Variants in SEMA3A observed in about 807,000 individuals in gnomAD.
SEMA3A encodes the protein semaphorin-3A.
SEMA3A carries 29 observed loss-of-function variants against 97.9 expected under a neutral mutation model. The ratio of observed to expected loss-of-function variants is 0.30; its 90% CI spans 0.22 to 0.40. The LOEUF is 0.40. Among genes scored for constraint, SEMA3A ranks in the 10% least tolerant of loss-of-function variants. SEMA3A has a pLI of 1.00. For synonymous variants in SEMA3A, 321 were observed against 323.7 expected, an observed-to-expected ratio of 0.99 and a Z score of 0.09; for missense variants, 763 against 951.3, an observed-to-expected ratio of 0.80 and a Z score of 2.60.
At chr7:84,386,143 T>A (rs1046191401) in intron 1 of SEMA3A, among the ~76,000 whole-genome samples, 1 of 152,234 alleles carries the variant, frequency 6.6e-6, no homozygotes, top group Non-Finnish European at 1.5e-5. Flanking sequence ...AAACATATTG[T>A]GTTTATTAAA....
At chr7:84,163,273 T>A (rs1209373434) in intron 1 of SEMA3A, among the ~76,000 whole-genome samples, 1 of 152,182 alleles carries the variant, frequency 6.6e-6, no homozygotes, top group Admixed American at 6.5e-5. Flanking sequence ...TGTATCATTT[T>A]AAGCGATATA....
intron 14 of SEMA3A, among the ~76,000 whole-genome samples, chr7:83,978,493 T>C (rs180745921): frequency 4.6e-5 from 7 of 152,230 alleles, no homozygotes; most frequent in African/African-American, 1.7e-4. Context: ...CTGGAAAAGA[T>C]TGGGGGACAC....
intron 1 of SEMA3A, among the ~76,000 whole-genome samples, chr7:84,391,361 T>G (rs1562930097): frequency 6.6e-6 from 1 of 152,096 alleles, no homozygotes; most frequent in South Asian, 2.1e-4. Flanking sequence ...AGGAAACATA[T>G]GTGGAAATCC....
chr7:84,011,502 T>C lies in SEMA3A; in HGVS notation c.811-205A>G, dbSNP rs530430222. On this transcript the variant is annotated intron_variant, in intron 7 of 16. Transcript: ENST00000265362. ...ATCGTTCCCTCAAGCTTTTTTGACTTTTTAAGGGATATTTATTGTGAGTAG... is the reference window on the plus strand; with the variant it reads ...ATCGTTCCCTCAAGCTTTTTTGACTCTTTAAGGGATATTTATTGTGAGTAG... Among the ~76,000 whole-genome samples the C allele has an allele frequency of 7.9e-5, 12 of 152,256 alleles. 1 individual carries two copies. In the South Asian group the frequency reaches 2.5e-3, roughly 32 times the overall value.
intron 6 of SEMA3A, among the ~76,000 whole-genome samples, chr7:84,031,681 A>C (rs1205497709): frequency 6.6e-6 from 1 of 151,962 alleles, no homozygotes; most frequent in East Asian, 2.0e-4. Context: ...TAAAAATACA[A>C]AAAAATCAGC....
intron 1 of SEMA3A, among the ~76,000 whole-genome samples, chr7:84,406,324 A>G (rs1804086284): frequency 6.6e-6 from 1 of 152,170 alleles, no homozygotes; most frequent in African/African-American, 2.4e-5. Context: ...TCCTTGACAC[A>G]TACACCCTCC....
In SEMA3A at chr7:84,369,655, AG is replaced by A. The variant is rs1274490859; in HGVS notation, c.-169+2168del. ...TCATTTATTCAAAATAGATTAGTTG[AG>A]CATCTAGTATATTTCAGGTGAAAAT... On this transcript the variant is annotated intron_variant, in intron 2 of 3. Coordinates refer to the SEMA3A transcript ENST00000424555. Among the ~76,000 whole-genome samples the A allele has an allele frequency of 2.2e-3, 332 of 151,014 alleles. 1 individual carries two copies. The highest frequency in any genetic ancestry group is 7.4e-3 in the African/African-American group (305 of 41,346).
At chr7:84,331,785 T>C (rs1801915033) in intron 2 of SEMA3A, among the ~76,000 whole-genome samples, 1 of 152,038 alleles carries the variant, frequency 6.6e-6, no homozygotes, top group South Asian at 2.1e-4. Context: ...ATGAAGTCTG[T>C]GTGCGTGCAT....
At chr7:84,139,972 T>C (rs1040818016) in intron 1 of SEMA3A, among the ~76,000 whole-genome samples, 1 of 152,068 alleles carries the variant, frequency 6.6e-6, no homozygotes, top group African/African-American at 2.4e-5. Flanking sequence ...AATCATAATC[T>C]CTAATGTATA....
chr7:84,470,934 C>G (rs901188815), intron 1 of SEMA3A, among the ~76,000 whole-genome samples: 2 of 152,002 alleles, frequency 1.3e-5, no homozygotes, highest in South Asian at 2.1e-4. Context: ...TTATGATTCT[C>G]TACTGGCTTG....
intron 12 of SEMA3A, among the ~76,000 whole-genome samples, chr7:84,000,346 TAAAC>T (rs1190149187): frequency 1.3e-5 from 2 of 152,116 alleles, no homozygotes; most frequent in Non-Finnish European, 2.9e-5. Context: ...CAAATTATTA[TAAAC>T]AAATAAGGCT....
intron 13 of SEMA3A, among the ~76,000 whole-genome samples, chr7:83,984,040 C>CTGAT (rs1425658104): frequency 1.1e-4 from 17 of 152,200 alleles, no homozygotes; most frequent in African/African-American, 3.6e-4. Flanking sequence ...GTATTTTAAA[C>CTGAT]TGATAGATTG....
chr7:84,038,058 A>C (rs1792005455), intron 6 of SEMA3A, among the ~76,000 whole-genome samples: 4 of 152,138 alleles, frequency 2.6e-5, no homozygotes, highest in African/African-American at 7.2e-5. Context: ...AACATTTTTA[A>C]TGCTTTTTTG....
chr7:84,439,698 A>C, intron 1 of SEMA3A, among the ~76,000 whole-genome samples: 1 of 152,198 alleles, frequency 6.6e-6, no homozygotes, highest in South Asian at 2.1e-4. Flanking sequence ...AGAAAGTGGA[A>C]AAGAAATTAA....
chr7:83,980,434 G>GTGTC (rs1448436356), intron 14 of SEMA3A, among the ~76,000 whole-genome samples: 2 of 151,110 alleles, frequency 1.3e-5, no homozygotes, highest in East Asian at 3.9e-4. Flanking sequence ...GTGAAACCCT[G>GTGTC]TGTCTACTAA....
At chr7:84,095,266 A>G (rs2115870504) in intron 4 of SEMA3A, among the ~76,000 whole-genome samples, 1 of 59,954 alleles carries the variant, frequency 1.7e-5, no homozygotes, top group Admixed American at 2.4e-4. Flanking sequence ...ATTATATACC[A>G]TTATTATGTA....
intron 4 of SEMA3A, among the ~76,000 whole-genome samples, chr7:84,107,160 A>ATTTATTT (rs1795134183): frequency 1.3e-5 from 2 of 151,864 alleles, no homozygotes; most frequent in Admixed American, 1.3e-4. Context: ...TTTATTTCTC[A>ATTTATTT]CTCTCCCGAT....
At chr7:84,450,162 T>G (rs1805520395) in intron 1 of SEMA3A, among the ~76,000 whole-genome samples, 1 of 152,100 alleles carries the variant, frequency 6.6e-6, no homozygotes, top group Non-Finnish European at 1.5e-5. Flanking sequence ...CCTCCATAAT[T>G]CCATAGCAGC....
intron 2 of SEMA3A, among the ~76,000 whole-genome samples, chr7:84,363,754 T>C (rs1449109396): frequency 6.6e-6 from 1 of 151,890 alleles, no homozygotes; most frequent in Non-Finnish European, 1.5e-5. Flanking sequence ...CCCTGTATAG[T>C]CCTGATTGGT....
Sources: allele counts gnomAD v4.1 joint callset (sites outside exome capture counted in the v4.1 genomes callset), GRCh38; gene constraint gnomAD v4.1.1; transcripts MANE v1.5; gene names NCBI Gene and HGNC (gene_info 2026-07-23, HGNC 2026-07-21).